Variants in BCOR observed in about 807,000 individuals in gnomAD.
BCOR encodes BCL-6 corepressor.
BCOR carries 10 observed loss-of-function variants against 86.7 expected under a neutral mutation model. That is an observed-to-expected ratio of 0.12 (90% CI 0.07 to 0.20). The LOEUF (loss-of-function observed/expected upper bound fraction) is 0.20, where lower values mean the gene tolerates loss of function less well. Among genes scored for constraint, BCOR ranks in the 10% least tolerant of loss-of-function variants. The pLI, the probability that BCOR is intolerant of heterozygous loss-of-function variation, is 1.00. For missense variants in BCOR, 1,259 were observed against 1,452.1 expected, an observed-to-expected ratio of 0.87 and a Z score of 2.16; for synonymous variants, 611 against 609.0, an observed-to-expected ratio of 1.00 and a Z score of -0.05.
In BCOR at chrX:40,137,931, G is replaced by A. The variant is rs570527589; in HGVS notation, c.-41+39076C>T. 1.4e-4 allele frequency among the ~76,000 whole-genome samples: 16 copies of A among 111,207 alleles called. No individual in the cohort carries two copies. The South Asian group carries it at 4.1e-3, about 29-fold the overall frequency. On this transcript the variant is annotated intron_variant, in intron 1 of 14. Coordinates refer to the BCOR transcript ENST00000342274. ...GCCAGGCTATAAAAGGGAAGTGGACGGGGGGCGACTTTCCCTCCAAATATC... is the reference window on the plus strand; with the variant it reads ...GCCAGGCTATAAAAGGGAAGTGGACAGGGGGCGACTTTCCCTCCAAATATC...
intron 1 of BCOR, among the ~76,000 whole-genome samples, chrX:40,146,230 C>T (rs188716662): frequency 0.012 from 1,381 of 111,627 alleles, 7 homozygotes; most frequent in Non-Finnish European, 0.019. Flanking sequence ...CGCGGGGCTC[C>T]GCTCCCGCGG....
At chrX:40,057,992 CCTT>C (rs2036424469) in intron 10 of BCOR, among the ~76,000 whole-genome samples, 1 of 111,817 alleles carries the variant, frequency 8.9e-6, no homozygotes, top group Admixed American at 9.5e-5. Context: ...AATAACCCTA[CCTT>C]CTTTTTGCTT....
chrX:40,054,112 A>G lies in BCOR; in HGVS notation c.4820-70T>C. ...CAAGATGTCCACAGTTGTCAACAAC[A>G]ACAAGGAGTTTAAATAACAAGATTC... On this transcript the variant is annotated intron_variant, in intron 13 of 14. Transcript: ENST00000378444. 2.6e-6 allele frequency: 3 copies of G among 1,153,992 alleles called. No individual in the cohort carries two copies. The South Asian group carries it at 5.5e-5, about 21-fold the overall frequency.
chrX:40,157,034 A>T lies in BCOR; in HGVS notation c.-41+19973T>A, dbSNP rs767022010. ...ATTCGGTGTGCAAAAGGTCAGCGGTAACCCATTGGCCCTGGCTACAGTTTA... is the reference window on the plus strand; with the variant it reads ...ATTCGGTGTGCAAAAGGTCAGCGGTTACCCATTGGCCCTGGCTACAGTTTA... On this transcript the variant is annotated intron_variant, in intron 1 of 14. Transcript: ENST00000342274. Among the ~76,000 whole-genome samples the T allele has an allele frequency of 2.6e-5, 3 of 113,657 alleles. No individual in the cohort carries two copies. The South Asian group carries it at 1.1e-3, about 40-fold the overall frequency.
At chrX:40,068,312 TCAC>T (rs1210767030) in intron 6 of BCOR, among the ~76,000 whole-genome samples, 1 of 111,953 alleles carries the variant, frequency 8.9e-6, no homozygotes, top group Non-Finnish European at 1.9e-5. Context: ...GCAGGCAACA[TCAC>T]CTCTAGCAGA....
intron 1 of BCOR, among the ~76,000 whole-genome samples, chrX:40,087,987 C>A (rs780718489): frequency 8.9e-6 from 1 of 112,244 alleles, no homozygotes; most frequent in Non-Finnish European, 1.9e-5. Context: ...ACGTAGGCCT[C>A]GAGCTATTTC....
At chrX:40,077,100 G>A in intron 2 of BCOR, 1 of 247,049 alleles carries the variant, frequency 4.0e-6, no homozygotes, top group Non-Finnish European at 7.5e-6. Context: ...ATGACAGGGG[G>A]ATACACACTA....
chrX:40,112,061 T>C (rs1356181589), intron 1 of BCOR, among the ~76,000 whole-genome samples: 2 of 111,040 alleles, frequency 1.8e-5, no homozygotes, highest in Non-Finnish European at 3.8e-5. Context: ...GGGGCGGCGT[T>C]GTTTTTCAGT....
chrX:40,082,378 G>A (rs1223947367), intron 1 of BCOR, among the ~76,000 whole-genome samples: 1 of 111,554 alleles, frequency 9.0e-6, no homozygotes, highest in East Asian at 2.8e-4. Context: ...CTCTGCTCAC[G>A]CCTCCCTGCT....
At chrX:40,058,984 A>C (rs1461011954) in intron 10 of BCOR, among the ~76,000 whole-genome samples, 1 of 112,167 alleles carries the variant, frequency 8.9e-6, no homozygotes, top group Non-Finnish European at 1.9e-5. Context: ...ACTGCTGTGC[A>C]CAGATCAATC....
At position 40,073,521 on chromosome X, in the gene BCOR, T is replaced by C. The variant is rs1218481790; in HGVS notation, c.1825A>G (p.Ser609Gly). ...GQPPATPAKH[S>G]SSTSSKGAKA... Reference sequence around the variant, plus strand: ...GCGCCCTTGCTGCTGGTGCTGCTACTGTGCTTGGCAGGAGTGGCCGGGGGC... The same window carrying C: ...GCGCCCTTGCTGCTGGTGCTGCTACCGTGCTTGGCAGGAGTGGCCGGGGGC... Residue 609 changes from serine to glycine, a missense_variant, in exon 4 of 15, where the codon AGT becomes GGT. Physicochemically the swap from Ser to Gly is moderately conservative, Grantham distance 56. Around this residue, in one of 7 missense-constraint regions of BCOR, gnomAD observed 534 missense variants for 594.8 expected, o/e 0.90. Transcript: ENST00000378444. 2.5e-6 allele frequency: 3 copies of C among 1,211,503 alleles called. No individual in the cohort carries two copies. Among genetic ancestry groups the C allele is most frequent in the South Asian group, 3.5e-5 (2 of 56,955 alleles).
At chrX:40,089,946 G>C (rs369957893) in intron 1 of BCOR, among the ~76,000 whole-genome samples, 1 of 112,022 alleles carries the variant, frequency 8.9e-6, no homozygotes, top group Non-Finnish European at 1.9e-5. Context: ...AAAAGCGCAA[G>C]CCGGGGGATA....
chrX:40,127,501 T>C (rs1255745154), intron 1 of BCOR, among the ~76,000 whole-genome samples: 1 of 112,099 alleles, frequency 8.9e-6, no homozygotes, highest in African/African-American at 3.2e-5. Context: ...GTTTAGAGTG[T>C]TTTGTTACAT....
chrX:40,065,482 T>C lies in BCOR; in HGVS notation c.3239-883A>G, dbSNP rs138271010. Among the ~76,000 whole-genome samples, 4 of 112,190 alleles carry C rather than the reference T, an allele frequency of 3.6e-5. No homozygotes were observed. The East Asian group carries it at 8.5e-4, about 24-fold the overall frequency. On this transcript the variant is annotated intron_variant, in intron 6 of 14. Coordinates refer to ENST00000378444, the MANE Select transcript of BCOR (RefSeq NM_001123385.2). ...TCGACAGACATCTCCTCATTGTTGG[T>C]GTGTCCTTCCCATGCCAGGCCAGCG...
chrX:40,074,986 T>C lies in BCOR; in HGVS notation c.360A>G (p.Pro120=). ...GGLGFSSERN[P]EMQFKPNTPE... The stretch of plus-strand genomic sequence containing the variant: ...GTGTATTCGGTTTGAACTGCATCTC[T>C]GGATTTCTTTCCGAAGAAAACCCAA... Residue 120 remains proline (P), a synonymous_variant, in exon 4 of 15, where the codon CCA becomes CCG. Coordinates refer to ENST00000378444, the MANE Select transcript of BCOR (RefSeq NM_001123385.2). The C allele has an allele frequency of 8.3e-7, 1 of 1,209,894 alleles. No individual in the cohort carries two copies. The highest frequency in any genetic ancestry group is 1.1e-6 in the Non-Finnish European group (1 of 894,568).
At chrX:40,145,308 A>G (rs1380809755) in intron 1 of BCOR, among the ~76,000 whole-genome samples, 2 of 111,643 alleles carry the variant, frequency 1.8e-5, no homozygotes, top group Non-Finnish European at 1.9e-5. Flanking sequence ...GGCCCGCCCC[A>G]GCTCTGGGCA....
chrX:40,114,411 G>A (rs1937362229), intron 1 of BCOR, among the ~76,000 whole-genome samples: 1 of 111,742 alleles, frequency 8.9e-6, no homozygotes, highest in African/African-American at 3.3e-5. Flanking sequence ...GGCCTTGGGA[G>A]TCCTGTCCTT....
chrX:40,053,800 C>G, intron 14 of BCOR, 86 bp downstream of exon 14: 1 of 1,081,354 alleles, frequency 9.2e-7, no homozygotes, highest in Non-Finnish European at 1.3e-6. Context: ...CACCCACCCA[C>G]CCTCATCTGC....
intron 13 of BCOR, 81 bp from the exon 14 acceptor site, chrX:40,054,123 T>C: frequency 8.8e-7 from 1 of 1,137,755 alleles, no homozygotes; most frequent in Non-Finnish European, 1.2e-6. Flanking sequence ...ACAAGGAGTT[T>C]AAATAACAAG....
Sources: allele counts gnomAD v4.1 joint callset (sites outside exome capture counted in the v4.1 genomes callset), GRCh38; gene constraint gnomAD v4.1.1; regional missense constraint gnomAD v4.1.1; transcripts MANE v1.5; gene names NCBI Gene and HGNC (gene_info 2026-07-23, HGNC 2026-07-21).